PTPN14: variants seen among roughly 807,000 people sequenced by gnomAD.
PTPN14 encodes the protein tyrosine-protein phosphatase non-receptor type 14.
In PTPN14, 53 loss-of-function variants were observed where a neutral mutation model predicts 126.8. The observed-to-expected ratio is 0.42, with a 90% CI of 0.34 to 0.53. The LOEUF (loss-of-function observed/expected upper bound fraction) is 0.53. PTPN14 is among the 20% of genes least tolerant of loss of function. PTPN14 has a pLI of 0.08. For missense variants in PTPN14, 1,257 were observed against 1,552.9 expected, an observed-to-expected ratio of 0.81 and a Z score of 3.20; for synonymous variants, 630 against 599.3, an observed-to-expected ratio of 1.05 and a Z score of -0.75.
Position 214,384,921 on chromosome 1 carries a change from T to A in PTPN14, c.1067-133A>T. On this transcript the variant is annotated intron_variant, in intron 12 of 18. Transcript: ENST00000366956. The surrounding 1 kb of genome is among the most constrained non-coding windows in gnomAD (Gnocchi z 5.3). ...TGAAATCCCATGGTCTCCACCCACA[T>A]GTTCTATAGAATAACAGATACTATC... 1.9e-6 allele frequency: 2 copies of A among 1,030,574 alleles called. No homozygotes were observed. The highest frequency in any genetic ancestry group is 3.2e-5 in the South Asian group (2 of 61,690). The allele number at this position is 1,030,574 out of a possible 1,614,324, so 63.8% of individuals were successfully genotyped here. A position where few individuals can be genotyped will look rare whatever the true frequency, so the allele number is the denominator to read the frequency against.
At chr1:214,528,304 G>A (rs1655453054) in intron 1 of PTPN14, 1 of 152,142 alleles carries the variant, frequency 6.6e-6, no homozygotes, top group Admixed American at 6.5e-5. Context: ...TTTATTTATA[G>A]TAGCCAAACA....
intron 1 of PTPN14, among the ~76,000 whole-genome samples, chr1:214,514,232 AG>A (rs763430560): frequency 4.6e-5 from 7 of 152,190 alleles, no homozygotes; most frequent in Non-Finnish European, 1.0e-4. Context: ...GTCCTCAAAC[AG>A]GATAAAACAC....
At chr1:214,433,949 CACAAAAAAA>C (rs1209590217) in intron 3 of PTPN14, among the ~76,000 whole-genome samples, 2 of 68,602 alleles carry the variant, frequency 2.9e-5, no homozygotes, top group African/African-American at 1.4e-4. Context: ...CACACACACA[CACAAAAAAA>C]AAAAAAAAAA....
At chr1:214,530,417 T>C (rs970317312) in intron 1 of PTPN14, 2 of 150,592 alleles carry the variant, frequency 1.3e-5, no homozygotes, top group African/African-American at 2.4e-5. Flanking sequence ...TCTCAGCTTA[T>C]AGCAACCTCT....
intron 5 of PTPN14, among the ~76,000 whole-genome samples, chr1:214,404,177 A>C (rs754318842): frequency 6.6e-6 from 1 of 152,260 alleles, no homozygotes; most frequent in Non-Finnish European, 1.5e-5. Context: ...AATCATTAAA[A>C]TCTGAAAAAT....
At chr1:214,389,259 C>T (rs534334461) in intron 11 of PTPN14, among the ~76,000 whole-genome samples, 6 of 152,282 alleles carry the variant, frequency 3.9e-5, no homozygotes, top group Admixed American at 2.0e-4. Context: ...AAGTAAGTTA[C>T]GGTTTATGAA....
rs781111731 is a variant in PTPN14, at chr1:214,383,363, G to C, written c.2492C>G (p.Ser831Cys). 6.2e-7 allele frequency: 1 copy of C among 1,614,200 alleles called. No homozygotes were observed. Among genetic ancestry groups the C allele is most frequent in the Non-Finnish European group, 8.5e-7 (1 of 1,180,044 alleles). Residue 831 changes from serine (S) to cysteine (C), a missense_variant, in exon 13 of 19, where the codon TCT becomes TGT. Transcript: ENST00000366956. This position sits in a 1 kb window ranked among gnomAD's most constrained non-coding sequence, Gnocchi z 4.4. ...KKEPVKERPV[S>C]EMFSLEDSII... ...GCTGTCTTCCAGGGAAAACATTTCA[G>C]ACACAGGTCTCTCCTTCACAGGCTC...
intron 2 of PTPN14, among the ~76,000 whole-genome samples, chr1:214,464,133 C>T (rs1217059617): frequency 6.7e-6 from 1 of 150,256 alleles, no homozygotes; most frequent in East Asian, 1.9e-4. Flanking sequence ...CACAAAAAGC[C>T]TCACTGGTCA....
chr1:214,422,508 C>A (rs551905165), intron 3 of PTPN14, among the ~76,000 whole-genome samples: 98 of 152,272 alleles, frequency 6.4e-4, no homozygotes, highest in African/African-American at 2.1e-3. Flanking sequence ...TACATATCTG[C>A]CTGCCCTGAA....
At chr1:214,448,982 C>G (rs1001862445) in intron 3 of PTPN14, among the ~76,000 whole-genome samples, 2 of 150,760 alleles carry the variant, frequency 1.3e-5, no homozygotes, top group Non-Finnish European at 3.0e-5. Flanking sequence ...AAGGCAGCTA[C>G]TACTGTGCCC....
chr1:214,517,573 CACATCAGCAAAGTGA>C (rs1218227878), intron 1 of PTPN14, among the ~76,000 whole-genome samples: 3 of 151,130 alleles, frequency 2.0e-5, no homozygotes, highest in Non-Finnish European at 4.4e-5. Context: ...TATGCAGGAA[CACATCAGCAAAGTGA>C]AACTTACCTT....
chr1:214,432,513 T>A (rs1659818789), intron 3 of PTPN14, among the ~76,000 whole-genome samples: 1 of 152,218 alleles, frequency 6.6e-6, no homozygotes, highest in Admixed American at 6.5e-5. Context: ...ACTAGAAATG[T>A]TCACAGCAAC....
At chr1:214,523,159 T>C (rs1296124777) in intron 1 of PTPN14, among the ~76,000 whole-genome samples, 1 of 151,850 alleles carries the variant, frequency 6.6e-6, no homozygotes, top group Non-Finnish European at 1.5e-5. Context: ...GATCCATCTT[T>C]ATAGAGGCAG....
Position 214,451,947 on chromosome 1 carries a change from T to C in PTPN14, c.202A>G (p.Ser68Gly). The C allele has an allele frequency of 6.2e-7, 1 of 1,614,102 alleles. No homozygotes were observed. The highest frequency in any genetic ancestry group is 8.5e-7 in the Non-Finnish European group (1 of 1,180,008). ...ACCCATCGTGCTTGCTGGCTCTTGC[T>C]GAGAAACCAAAGGCCAAAGTAGTGC... ...ETHYFGLWFL[S>G]KSQQARWVEL... The change falls in exon 3 of 19, where the codon AGC (serine) becomes GGC (glycine). Residue 68 changes from serine to glycine, a missense_variant. By Grantham distance (56) the Ser-to-Gly change is moderately conservative. Transcript: ENST00000366956.
chr1:214,354,407 A>G lies in PTPN14; in HGVS notation c.*3515T>C, dbSNP rs554925623. On this transcript the variant is annotated 3_prime_UTR_variant, in exon 19 of 19. Transcript: ENST00000366956. ...AATCAATGTTTAACATCCTTTTTTC[A>G]TGCAACTAAATCCTCCTTTACTTCC... The G allele has an allele frequency of 4.6e-5, 7 of 152,250 alleles. No homozygotes were observed. The highest frequency in any genetic ancestry group is 1.4e-4 in the African/African-American group (6 of 41,546). The allele number at this position is 152,250 out of a possible 1,614,324, so 9.4% of individuals were successfully genotyped here. A position where few individuals can be genotyped will look rare whatever the true frequency, so the allele number is the denominator to read the frequency against.
intron 3 of PTPN14, among the ~76,000 whole-genome samples, chr1:214,447,512 T>C (rs1376869672): frequency 1.3e-5 from 2 of 152,136 alleles, no homozygotes; most frequent in African/African-American, 4.8e-5. Flanking sequence ...CCCTCAACCT[T>C]CCCAAATAAA....
intron 15 of PTPN14, 75 bp from the exon 16 acceptor site, chr1:214,372,914 G>C (rs1224077420): frequency 1.0e-5 from 16 of 1,574,506 alleles, no homozygotes; most frequent in Non-Finnish European, 1.4e-5. Context: ...CTGTCCATCT[G>C]TATCCACCTT....
At chr1:214,367,921 C>A (rs1658120091) in intron 17 of PTPN14, among the ~76,000 whole-genome samples, 1 of 152,082 alleles carries the variant, frequency 6.6e-6, no homozygotes. Flanking sequence ...GGGTACATGC[C>A]CAATTTTGGG....
intron 1 of PTPN14, among the ~76,000 whole-genome samples, chr1:214,471,050 A>G (rs1471491725): frequency 2.0e-5 from 3 of 150,502 alleles, no homozygotes; most frequent in Non-Finnish European, 4.4e-5. Flanking sequence ...CAAAACAAAA[A>G]AACAACTACA....
Sources: allele counts gnomAD v4.1 joint callset (sites outside exome capture counted in the v4.1 genomes callset), GRCh38; gene constraint gnomAD v4.1.1; non-coding constraint Gnocchi (gnomAD v3.1); transcripts MANE v1.5; gene names NCBI Gene and HGNC (gene_info 2026-07-23, HGNC 2026-07-21).